Variants in GDF2 observed in about 807,000 individuals in gnomAD.
The protein encoded by GDF2 is growth differentiation factor 2.
GDF2 carries 17 observed loss-of-function variants against 16.9 expected under a neutral mutation model. The ratio of observed to expected loss-of-function variants is 1.00; its 90% CI spans 0.69 to 1.51. GDF2 has a LOEUF of 1.51. Ranked by LOEUF, GDF2 falls within the 40% of genes most tolerant of loss-of-function variation. The probability of loss-of-function intolerance (pLI) is 0.00; values close to 1 mark genes in which losing one functional copy is unlikely to be tolerated. For missense variants in GDF2, 523 were observed against 556.3 expected (o/e 0.94, Z 0.60); for synonymous variants, 276 against 237.6 (o/e 1.16, Z -1.49).
chr10:47,324,920 T>A lies in GDF2; in HGVS notation c.426T>A (p.His142Gln). Residue 142 changes from histidine to glutamine, a missense_variant, in exon 2 of 2, where the codon CAT (histidine) becomes CAA (glutamine). Coordinates refer to ENST00000581492, the MANE Select transcript of GDF2 (RefSeq NM_016204.4). ...ILLFNISIPR[H>Q]EQITRAELRL... Reference sequence around the variant, plus strand: ...TCTTCAACATCTCCATTCCTAGGCATGAGCAGATCACCAGAGCTGAGCTCC... The same window carrying A: ...TCTTCAACATCTCCATTCCTAGGCAAGAGCAGATCACCAGAGCTGAGCTCC... 6.2e-7 allele frequency: 1 copy of A among 1,613,980 alleles called. No individual in the cohort carries two copies. The highest frequency in any genetic ancestry group is 8.5e-7 in the Non-Finnish European group (1 of 1,179,982).
In GDF2 at chr10:47,322,963, G is replaced by A. The variant is rs782195498; in HGVS notation, c.295G>A (p.Asp99Asn). 4.3e-6 allele frequency: 7 copies of A among 1,611,158 alleles called. No individual in the cohort carries two copies. Among genetic ancestry groups the A allele is most frequent in the South Asian group, 1.1e-5 (1 of 90,980 alleles). Residue 99 changes from aspartate to asparagine, a missense_variant, in exon 1 of 2, where the codon GAT (aspartate) becomes AAT (asparagine). Physicochemically the swap from Asp to Asn is conservative, Grantham distance 23. Transcript: ENST00000581492. ...TGACCTGTACAACAGGTACACGTCC[G>A]ATAAGTCGACTACGCCAGCGTCCAA... The part of the protein sequence containing the change: ...MIDLYNRYTS[D>N]KSTTPASNIV...
rs2061087038 is a variant in GDF2, at chr10:47,322,455, G to A, written c.-214G>A. The A allele has an allele frequency of 2.0e-6, 1 of 499,368 alleles. No homozygotes were observed. The highest frequency in any genetic ancestry group is 1.9e-5 in the African/African-American group (1 of 52,766). 30.9% of individuals were successfully genotyped at this position (499,368 alleles called of 1,614,324 possible). On this transcript the variant is annotated 5_prime_UTR_variant, in exon 1 of 2. Transcript: ENST00000581492. ...CCTTCATTAACGGAAGGCTCCCTCA[G>A]ATAAGACGTCGGAGCGCGGCATCGA...
At position 47,327,539 on chromosome 10, in the gene GDF2, C is replaced by T. The variant is rs1447959920; in HGVS notation, c.*1755C>T. On this transcript the variant is annotated 3_prime_UTR_variant, in exon 2 of 2. Coordinates refer to ENST00000581492, the MANE Select transcript of GDF2 (RefSeq NM_016204.4). Reference sequence around the variant, plus strand: ...ATCTTCTTTCAGTCCTGGTGGTGTGCTTCTGTGCCTGCTTGAAAATTTCAC... The same window carrying T: ...ATCTTCTTTCAGTCCTGGTGGTGTGTTTCTGTGCCTGCTTGAAAATTTCAC... Among the ~76,000 whole-genome samples the T allele has an allele frequency of 1.3e-5, 2 of 152,176 alleles. No individual in the cohort carries two copies. The highest frequency in any genetic ancestry group is 2.9e-5 in the Non-Finnish European group (2 of 68,034).
rs782723042 is a variant in GDF2, at chr10:47,322,891, G to C, written c.223G>C (p.Val75Leu). The C allele has an allele frequency of 3.7e-6, 6 of 1,614,156 alleles. No homozygotes were observed. Among genetic ancestry groups the C allele is most frequent in the Non-Finnish European group, 5.1e-6 (6 of 1,180,014 alleles). ...CCTGCGCAGCCTTAACCTGAGTGGG[G>C]TCCCTTCGCAGGACAAAACCAGGGT... ...DFLRSLNLSG[V>L]PSQDKTRVEP... The change falls in exon 1 of 2, where the codon GTC becomes CTC. Residue 75 changes from valine (V) to leucine (L), a missense_variant. Coordinates refer to ENST00000581492, the MANE Select transcript of GDF2 (RefSeq NM_016204.4).
chr10:47,325,069 TG>T lies in GDF2; in HGVS notation c.577del (p.Val193CysfsTer19). The stretch of plus-strand genomic sequence containing the variant: ...AGTGCTACAGAGACCAAGACCTTCC[TG>T]GTGTCCCAGGACATTCAGGATGAGG... ...WDSATETKTF[L>X]VSQDIQDEGW... On this transcript the variant is annotated frameshift_variant, in exon 2 of 2. Coordinates refer to ENST00000581492, the MANE Select transcript of GDF2 (RefSeq NM_016204.4). LOFTEE classifies it high-confidence loss of function. 6.2e-7 allele frequency: 1 copy of T among 1,614,100 alleles called. No individual in the cohort carries two copies. The highest frequency in any genetic ancestry group is 8.5e-7 in the Non-Finnish European group (1 of 1,180,026).
At position 47,325,371 on chromosome 10, in the gene GDF2, A is replaced by G. The variant is rs2061101888; in HGVS notation, c.877A>G (p.Thr293Ala). 1.9e-6 allele frequency: 3 copies of G among 1,614,052 alleles called. No individual in the cohort carries two copies. Among genetic ancestry groups the G allele is most frequent in the Non-Finnish European group, 1.7e-6 (2 of 1,180,052 alleles). ...VLKKLSKDGS[T>A]EAGESSHEED... ...CAAGAAGCTGTCCAAGGACGGCTCC[A>G]CAGAGGCAGGTGAGAGCAGTCACGA... Residue 293 changes from threonine (T) to alanine (A), a missense_variant, in exon 2 of 2, where the codon ACA becomes GCA. By Grantham distance (58) the Thr-to-Ala change is moderately conservative. Transcript: ENST00000581492.
chr10:47,322,752 G>T lies in GDF2; in HGVS notation c.84G>T (p.Trp28Cys). Residue 28 changes from tryptophan (W) to cysteine (C), a missense_variant, in exon 1 of 2, where the codon TGG (tryptophan) becomes TGT (cysteine). Trp to Cys is a radical substitution (Grantham distance 215). Transcript: ENST00000581492. Reference protein sequence around the residue: ...GSLQGKPLQSWGRGSAGGNAH... With the variant: ...GSLQGKPLQSCGRGSAGGNAH... Reference sequence around the variant, plus strand: ...TACAGGGGAAGCCACTGCAGAGCTGGGGACGAGGGTCTGCTGGGGGAAACG... The same window carrying T: ...TACAGGGGAAGCCACTGCAGAGCTGTGGACGAGGGTCTGCTGGGGGAAACG... 3.1e-6 allele frequency: 5 copies of T among 1,611,156 alleles called. 1 individual carries two copies. The highest frequency in any genetic ancestry group is 3.4e-6 in the Non-Finnish European group (4 of 1,178,220).
At position 47,326,473 on chromosome 10, in the gene GDF2, C is replaced by T. The variant is rs1479848138; in HGVS notation, c.*689C>T. Among the ~76,000 whole-genome samples the T allele has an allele frequency of 3.3e-5, 5 of 152,338 alleles. No individual in the cohort carries two copies. The East Asian group carries it at 9.7e-4, about 29-fold the overall frequency. On this transcript the variant is annotated 3_prime_UTR_variant, in exon 2 of 2. Transcript: ENST00000581492. ...CCCATCAGTCACAGGTGTGACTGGG[C>T]TGCTTGTCACACACAGGGCGTGGTC...
At position 47,324,852 on chromosome 10, in the gene GDF2, A is replaced by G. The variant is rs376861987; in HGVS notation, c.358A>G (p.Ile120Val). ...TGTTTGCATTTCAGATGCCATCTCC[A>G]TAACTGCCACAGAGGACTTCCCCTT... ...RSFSMEDAIS[I>V]TATEDFPFQK... The change falls in exon 2 of 2, where the codon ATA (isoleucine) becomes GTA (valine). Residue 120 changes from isoleucine to valine, a missense_variant. By Grantham distance (29) the Ile-to-Val change is conservative. Coordinates refer to ENST00000581492, the MANE Select transcript of GDF2 (RefSeq NM_016204.4). 90 of 1,611,766 alleles carry G rather than the reference A, an allele frequency of 5.6e-5. No homozygotes were observed. The highest frequency in any genetic ancestry group is 7.4e-5 in the Non-Finnish European group (87 of 1,179,022).
At position 47,325,910 on chromosome 10, in the gene GDF2, C is replaced by T. The variant is rs895576392; in HGVS notation, c.*126C>T. The T allele has an allele frequency of 4.4e-6, 3 of 688,404 alleles. No individual in the cohort carries two copies. The highest frequency in any genetic ancestry group is 7.0e-6 in the Non-Finnish European group (3 of 426,742). 42.6% of individuals were successfully genotyped at this position (688,404 alleles called of 1,614,324 possible). ...CCTGGAGGAGGAAAGGGAGCCTGCT[C>T]TCCCTCCCCACACCCCACCCAAAGC... On this transcript the variant is annotated 3_prime_UTR_variant, in exon 2 of 2. Transcript: ENST00000581492.
Position 47,326,133 on chromosome 10 carries a change from A to C in GDF2, c.*349A>C. The C allele has an allele frequency of 4.8e-6, 1 of 206,648 alleles. No homozygotes were observed. The highest frequency in any genetic ancestry group is 1.1e-4 in the East Asian group (1 of 9,098). 12.8% of individuals were successfully genotyped at this position (206,648 alleles called of 1,614,324 possible). On this transcript the variant is annotated 3_prime_UTR_variant, in exon 2 of 2. Transcript: ENST00000581492. Reference sequence around the variant, plus strand: ...GCAGGTCACTGCAGAGACTGATGGAAGTTAGAGAGGTGGAGGAGGCCAGCT... The same window carrying C: ...GCAGGTCACTGCAGAGACTGATGGACGTTAGAGAGGTGGAGGAGGCCAGCT...
In GDF2 at chr10:47,325,002, G is replaced by A. The variant is rs201972913; in HGVS notation, c.508G>A (p.Val170Met). The A allele has an allele frequency of 3.2e-5, 52 of 1,614,156 alleles. No individual in the cohort carries two copies. Among genetic ancestry groups the A allele is most frequent in the Non-Finnish European group, 4.2e-5 (49 of 1,180,040 alleles). ...CCCCTCTCATGACCTGAAAGGAAGC[G>A]TGGTCATTTATGATGTTCTGGATGG... ...VDPSHDLKGS[V>M]VIYDVLDGTD... Residue 170 changes from valine to methionine, a missense_variant, in exon 2 of 2, where the codon GTG becomes ATG. Transcript: ENST00000581492.
chr10:47,325,839 T>G lies in GDF2; in HGVS notation c.*55T>G. 7.9e-7 allele frequency: 1 copy of G among 1,260,454 alleles called. No homozygotes were observed. The highest frequency in any genetic ancestry group is 1.1e-6 in the Non-Finnish European group (1 of 921,344). The allele number at this position is 1,260,454 out of a possible 1,614,324, so 78.1% of individuals were successfully genotyped here. A position where few individuals can be genotyped will look rare whatever the true frequency, so the allele number is the denominator to read the frequency against. On this transcript the variant is annotated 3_prime_UTR_variant, in exon 2 of 2. Coordinates refer to ENST00000581492, the MANE Select transcript of GDF2 (RefSeq NM_016204.4). ...CAAAGGGGCTCCACATGAGAGGTCC[T>G]GCATGCCCCTGGGCACAACAAGGAC... is the stretch of plus-strand genomic sequence containing the variant.
Position 47,324,931 on chromosome 10 carries a change from C to G in GDF2, c.437C>G (p.Thr146Ser). The change falls in exon 2 of 2, where the codon ACC becomes AGC. Residue 146 changes from threonine to serine, a missense_variant. Coordinates refer to ENST00000581492, the MANE Select transcript of GDF2 (RefSeq NM_016204.4). ...TCCATTCCTAGGCATGAGCAGATCA[C>G]CAGAGCTGAGCTCCGACTCTATGTC... is the stretch of plus-strand genomic sequence containing the variant. The part of the protein sequence containing the change: ...NISIPRHEQI[T>S]RAELRLYVSC... 1 of 1,613,940 alleles carries G rather than the reference C, an allele frequency of 6.2e-7. No individual in the cohort carries two copies. The highest frequency in any genetic ancestry group is 8.5e-7 in the Non-Finnish European group (1 of 1,179,936).
At position 47,324,730 on chromosome 10, in the gene GDF2, A is replaced by G. The variant is rs2061097687; in HGVS notation, c.347-111A>G. Reference sequence around the variant, plus strand: ...GGGTGAAACCAAATAGAGATAATACAGACCAAAATTGTTATCCCAGATGCT... The same window carrying G: ...GGGTGAAACCAAATAGAGATAATACGGACCAAAATTGTTATCCCAGATGCT... On this transcript the variant is annotated intron_variant, in intron 1 of 1. Coordinates refer to ENST00000581492, the MANE Select transcript of GDF2 (RefSeq NM_016204.4). 6 of 705,742 alleles carry G rather than the reference A, an allele frequency of 8.5e-6. No individual in the cohort carries two copies. In the Admixed American group the frequency reaches 1.5e-4, roughly 18 times the overall value. 43.7% of individuals were successfully genotyped at this position (705,742 alleles called of 1,614,324 possible).
At chr10:47,324,780 G>A in intron 1 of GDF2, 61 bp from the exon 2 acceptor site, 1 of 1,156,288 alleles carries the variant, frequency 8.6e-7, no homozygotes, top group Non-Finnish European at 1.3e-6. Context: ...CTGAGACTCA[G>A]CTTCAGTGTC....
Position 47,326,596 on chromosome 10 carries a change from G to C in GDF2, c.*812G>C, listed in dbSNP as rs1259872652. ...CCCCAGGCCAACTGCAGGATAGAGA[G>C]AGAGGTCAGGACAGCAGCCCTGTGG... is the stretch of plus-strand genomic sequence containing the variant. On this transcript the variant is annotated 3_prime_UTR_variant, in exon 2 of 2. Coordinates refer to ENST00000581492, the MANE Select transcript of GDF2 (RefSeq NM_016204.4). Among the ~76,000 whole-genome samples the C allele has an allele frequency of 2.6e-5, 4 of 152,236 alleles. No individual in the cohort carries two copies. Among genetic ancestry groups the C allele is most frequent in the African/African-American group, 4.8e-5 (2 of 41,466 alleles).
Position 47,324,874 on chromosome 10 carries a change from C to A in GDF2, c.380C>A (p.Pro127His). The A allele has an allele frequency of 6.2e-7, 1 of 1,613,290 alleles. No homozygotes were observed. The highest frequency in any genetic ancestry group is 1.7e-5 in the Admixed American group (1 of 60,032). ...TCCATAACTGCCACAGAGGACTTCCCCTTCCAGAAGCACATCTTGCTCTTC... is the reference window on the plus strand; with the variant it reads ...TCCATAACTGCCACAGAGGACTTCCACTTCCAGAAGCACATCTTGCTCTTC... ...AISITATEDF[P>H]FQKHILLFNI... The change falls in exon 2 of 2, where the codon CCC (proline) becomes CAC (histidine). Residue 127 changes from proline (P) to histidine (H), a missense_variant. Physicochemically the swap from Pro to His is moderately conservative, Grantham distance 77. Transcript: ENST00000581492.
At position 47,325,879 on chromosome 10, in the gene GDF2, T is replaced by C. The variant is rs2061105162; in HGVS notation, c.*95T>C. ...ACAACAAGGACTGATTCAATCTGCA[T>C]GCCAGCCTGGAGGAGGAAAGGGAGC... On this transcript the variant is annotated 3_prime_UTR_variant, in exon 2 of 2. Transcript: ENST00000581492. The C allele has an allele frequency of 1.6e-5, 15 of 913,202 alleles. No homozygotes were observed. The highest frequency in any genetic ancestry group is 2.3e-5 in the Non-Finnish European group (14 of 621,934). 56.6% of individuals were successfully genotyped at this position (913,202 alleles called of 1,614,324 possible). A position where few individuals can be genotyped will look rare whatever the true frequency, so the allele number is the denominator to read the frequency against.
Sources: allele counts gnomAD v4.1 joint callset (sites outside exome capture counted in the v4.1 genomes callset), GRCh38; gene constraint gnomAD v4.1.1; transcripts MANE v1.5; gene names NCBI Gene and HGNC (gene_info 2026-07-23, HGNC 2026-07-21).